Variants in CABIN1 observed in about 807,000 individuals in gnomAD.
CABIN1 encodes the protein calcineurin binding protein 1, also known as calcineurin-binding protein cabin-1.
Under a neutral mutation model 227.7 loss-of-function variants are expected in CABIN1, and 133 were observed. The ratio of observed to expected loss-of-function variants is 0.58; its 90% CI spans 0.51 to 0.67. CABIN1 has a LOEUF of 0.67. Ranked by LOEUF, CABIN1 falls within the 30% of genes least tolerant of loss-of-function variation. The pLI, the probability that CABIN1 is intolerant of heterozygous loss-of-function variation, is 0.00. For synonymous variants in CABIN1, 1,086 were observed against 1,155.1 expected (o/e 0.94, Z 1.21); for missense variants, 2,408 against 2,852.5 (o/e 0.84, Z 3.55).
In CABIN1 at chr22:24,095,960, G is replaced by A; in HGVS notation, c.3816G>A (p.Leu1272=). Residue 1272 remains leucine (L), a synonymous_variant, in exon 25 of 37, where the codon CTG becomes CTA. Coordinates refer to ENST00000263119, the MANE Select transcript of CABIN1 (RefSeq NM_012295.4). Reference sequence around the variant, plus strand: ...ACTTTCGGCTCCATGCTTCCATCCTGAAGCTCCTGGGGAAGCCCGATTCTG... The same window carrying A: ...ACTTTCGGCTCCATGCTTCCATCCTAAAGCTCCTGGGGAAGCCCGATTCTG... ...EVYFRLHASI[L]KLLGKPDSGV... The A allele has an allele frequency of 6.2e-7, 1 of 1,614,100 alleles. No individual in the cohort carries two copies. Among genetic ancestry groups the A allele is most frequent in the Non-Finnish European group, 8.5e-7 (1 of 1,180,020 alleles).
intron 19 of CABIN1, 31 bp downstream of exon 19, chr22:24,076,315 C>T (rs117758287): frequency 0.011 from 16,689 of 1,549,134 alleles, 153 homozygotes; most frequent in East Asian, 0.015. Context: ...TGCAGACTGC[C>T]AGTGCGGGGC....
At chr22:24,117,883 A>G (rs1452418520) in intron 27 of CABIN1, among the ~76,000 whole-genome samples, 1 of 152,236 alleles carries the variant, frequency 6.6e-6, no homozygotes, top group African/African-American at 2.4e-5. Context: ...TTGGTGAGCC[A>G]CATTTTGAAC....
Position 24,110,990 on chromosome 22 carries a change from T to C in CABIN1, c.4118-2576T>C, listed in dbSNP as rs1481965875. On this transcript the variant is annotated intron_variant, in intron 26 of 36. Transcript: ENST00000263119. ...TTCTTAGTTATTATGTCTTTAAATA[T>C]TTCTACTGTCCTGTTTCACCCTCAT... is the stretch of plus-strand genomic sequence containing the variant. Among the ~76,000 whole-genome samples the C allele has an allele frequency of 2.0e-5, 3 of 152,268 alleles. No individual in the cohort carries two copies. The East Asian group carries it at 5.8e-4, about 29-fold the overall frequency.
intron 19 of CABIN1, among the ~76,000 whole-genome samples, chr22:24,077,773 G>T (rs1025834659): frequency 6.6e-6 from 1 of 152,140 alleles, no homozygotes; most frequent in Non-Finnish European, 1.5e-5. Flanking sequence ...TGCTGATTGG[G>T]AAGAATGAGT....
intron 29 of CABIN1, among the ~76,000 whole-genome samples, chr22:24,159,220 C>T (rs894027781): frequency 6.6e-6 from 1 of 152,224 alleles, no homozygotes; most frequent in African/African-American, 2.4e-5. Context: ...CCATCTGCTC[C>T]ACCCTGGGGA....
At chr22:24,110,626 G>GA (rs1297671158) in intron 26 of CABIN1, among the ~76,000 whole-genome samples, 4 of 57,868 alleles carry the variant, frequency 6.9e-5, no homozygotes, top group African/African-American at 3.0e-4. Flanking sequence ...TGTTTGCCTG[G>GA]AAAAAAACAA....
chr22:24,029,093 A>G (rs138583254), intron 1 of CABIN1, among the ~76,000 whole-genome samples: 12 of 152,336 alleles, frequency 7.9e-5, no homozygotes, highest in African/African-American at 2.6e-4. Flanking sequence ...ACGGTGGCTC[A>G]TACCTATAAC....
intron 28 of CABIN1, among the ~76,000 whole-genome samples, chr22:24,132,602 T>G (rs1345875672): frequency 6.6e-6 from 1 of 152,162 alleles, no homozygotes; most frequent in Admixed American, 6.5e-5. Flanking sequence ...TTTTTTTGTT[T>G]TTTGAGACGG....
intron 5 of CABIN1, among the ~76,000 whole-genome samples, chr22:24,041,832 A>G (rs551227356): frequency 6.6e-6 from 1 of 152,328 alleles, no homozygotes; most frequent in East Asian, 1.9e-4. Flanking sequence ...CTTTATCCTC[A>G]CTTTAGTGAT....
At chr22:24,095,908 C>G (rs909285392) in intron 24 of CABIN1, 23 bp from the exon 25 acceptor site, 3 of 1,613,756 alleles carry the variant, frequency 1.9e-6, no homozygotes, top group Non-Finnish European at 2.5e-6. Context: ...AGGCTGCTCA[C>G]ACTAGAGGTG....
rs556980650 is a variant in CABIN1 at position 24,054,814 on chromosome 22, A to G, written c.807-59A>G. ...CTGTGCAGGCAGGCCATTTTCCACT[A>G]TGCTTGGAGTATTCCTCTGACAGGG... On this transcript the variant is annotated intron_variant, in intron 8 of 36. Transcript: ENST00000263119. 5 of 1,611,052 alleles carry G rather than the reference A, an allele frequency of 3.1e-6. No individual in the cohort carries two copies. The South Asian group carries it at 4.4e-5, about 14-fold the overall frequency.
intron 29 of CABIN1, among the ~76,000 whole-genome samples, chr22:24,163,892 G>A (rs1240592041): frequency 6.6e-6 from 1 of 152,248 alleles, no homozygotes. Flanking sequence ...GTGGGAAGAG[G>A]GAGGGGGACC....
chr22:24,019,120 G>GTT lies in CABIN1; in HGVS notation c.-75+7780_-75+7781dup, dbSNP rs945660140. ...ATATTGTGCAACTTCACTGAGTGTT[G>GTT]TTTTTTTTTTTTTTTTTTTTTTTTT... On this transcript the variant is annotated intron_variant, in intron 1 of 36. Transcript: ENST00000263119. Among the ~76,000 whole-genome samples, 111 of 40,212 alleles carry GTT rather than the reference G, an allele frequency of 2.8e-3. 25 individuals carry two copies. Among genetic ancestry groups the GTT allele is most frequent in the Non-Finnish European group, 2.3e-3 (53 of 23,110 alleles). 26.4% of individuals were successfully genotyped at this position (40,212 alleles called of 152,430 possible).
At chr22:24,119,263 C>T (rs575261110) in intron 27 of CABIN1, 104 bp from the exon 28 acceptor site, 310 of 971,332 alleles carry the variant, frequency 3.2e-4, no homozygotes, top group South Asian at 3.0e-3. Context: ...TTGATCCAGC[C>T]GTGCTGATCA....
chr22:24,091,493 A>G, intron 23 of CABIN1, 90 bp from the exon 24 acceptor site: 1 of 1,541,232 alleles, frequency 6.5e-7, no homozygotes, highest in Non-Finnish European at 9.0e-7. Context: ...TAAACTTGCA[A>G]ATAGGTCGGC....
intron 10 of CABIN1, among the ~76,000 whole-genome samples, chr22:24,058,570 C>T (rs368903829): frequency 3.9e-5 from 6 of 152,164 alleles, no homozygotes; most frequent in South Asian, 2.1e-4. Context: ...TGAGGAGCCA[C>T]GGAAGGACCA....
intron 4 of CABIN1, among the ~76,000 whole-genome samples, chr22:24,039,528 G>T (rs752351529): frequency 6.6e-6 from 1 of 152,214 alleles, no homozygotes; most frequent in African/African-American, 2.4e-5. Flanking sequence ...AGGACCCAGA[G>T]AGGGAAAATT....
At position 24,060,017 on chromosome 22, in the gene CABIN1, A is replaced by G; in HGVS notation, c.1493A>G (p.Lys498Arg). The part of the protein sequence containing the change: ...MMRYLKAMGH[K>R]FLVRWPPGLA... Reference sequence around the variant, plus strand: ...CGCTACCTGAAAGCCATGGGCCACAAGTTCTTGGTAAGGTGGCCTCCAGGC... The same window carrying G: ...CGCTACCTGAAAGCCATGGGCCACAGGTTCTTGGTAAGGTGGCCTCCAGGC... Residue 498 changes from lysine to arginine, a missense_variant, in exon 12 of 37, where the codon AAG becomes AGG. Coordinates refer to ENST00000263119, the MANE Select transcript of CABIN1 (RefSeq NM_012295.4). 1 of 1,614,180 alleles carries G rather than the reference A, an allele frequency of 6.2e-7. No homozygotes were observed. Among genetic ancestry groups the G allele is most frequent in the South Asian group, 1.1e-5 (1 of 91,080 alleles).
At chr22:24,154,210 T>TA (rs1348370188) in intron 29 of CABIN1, among the ~76,000 whole-genome samples, 2 of 152,180 alleles carry the variant, frequency 1.3e-5, no homozygotes, top group Non-Finnish European at 2.9e-5. Flanking sequence ...AACTTGATCT[T>TA]ACAGGAAGTA....
Sources: gnomAD v4.1 joint callset for allele counts (sites outside exome capture counted in the v4.1 genomes callset) on GRCh38, gnomAD v4.1.1 for gene constraint, MANE v1.5 for transcripts, NCBI Gene and HGNC (gene_info 2026-07-23, HGNC 2026-07-21) for gene names.